The following COPS3 variants were observed in gnomAD, a reference collection of about 807,000 sequenced individuals.
COPS3 encodes the protein COP9 signalosome subunit 3, also known as COP9 signalosome complex subunit 3.
In COPS3, 10 loss-of-function variants were observed where a neutral mutation model predicts 58.2. The ratio of observed to expected loss-of-function variants is 0.17; its 90% CI spans 0.11 to 0.29. The LOEUF is 0.29. Among genes scored for constraint, COPS3 ranks in the 10% least tolerant of loss-of-function variants. COPS3 has a pLI of 1.00. For missense variants in COPS3, 333 were observed against 510.1 expected, an observed-to-expected ratio of 0.65 and a Z score of 3.34; for synonymous variants, 187 against 181.7, an observed-to-expected ratio of 1.03 and a Z score of -0.24.
intron 1 of COPS3, among the ~76,000 whole-genome samples, chr17:17,277,156 A>G (rs1481641703): frequency 6.6e-6 from 1 of 152,056 alleles, no homozygotes. Flanking sequence ...TACCTGACTG[A>G]GCCTCATCCA....
intron 5 of COPS3, among the ~76,000 whole-genome samples, chr17:17,265,567 T>G (rs1417304238): frequency 6.6e-6 from 1 of 151,910 alleles, no homozygotes; most frequent in East Asian, 1.9e-4. Flanking sequence ...CCCAGCTAAT[T>G]TTTGTATTTT....
chr17:17,256,038 G>T (rs1287980464), intron 8 of COPS3, among the ~76,000 whole-genome samples: 4 of 150,636 alleles, frequency 2.7e-5, no homozygotes, highest in Non-Finnish European at 4.4e-5. Context: ...AATTAGCCGG[G>T]CGTGGTGGTG....
At chr17:17,263,716 G>T (rs1229179593) in intron 6 of COPS3, among the ~76,000 whole-genome samples, 1 of 151,316 alleles carries the variant, frequency 6.6e-6, no homozygotes, top group African/African-American at 2.4e-5. Flanking sequence ...GTTTCTCCAC[G>T]TTGGTCAGGC....
At chr17:17,252,473 C>CAGATAACGCTT (rs1555616702) in intron 9 of COPS3, among the ~76,000 whole-genome samples, 23 of 152,018 alleles carry the variant, frequency 1.5e-4, no homozygotes, top group East Asian at 5.8e-4. Flanking sequence ...GTCCTGGGCA[C>CAGATAACGCTT]TGCAGGACGT....
At chr17:17,261,854 C>G in intron 7 of COPS3, 112 bp downstream of exon 7, 2 of 844,836 alleles carry the variant, frequency 2.4e-6, no homozygotes, top group Non-Finnish European at 3.7e-6. Flanking sequence ...TCACCTGAAG[C>G]TGCTAGGAGA....
At chr17:17,266,718 GA>G (rs2048230261) in intron 5 of COPS3, among the ~76,000 whole-genome samples, 3 of 151,890 alleles carry the variant, frequency 2.0e-5, no homozygotes, top group Non-Finnish European at 4.4e-5. Flanking sequence ...AGAATTGCTT[GA>G]ACCTGGGAGG....
intron 8 of COPS3, among the ~76,000 whole-genome samples, chr17:17,255,560 C>T (rs909749340): frequency 1.3e-5 from 2 of 149,910 alleles, no homozygotes; most frequent in South Asian, 2.1e-4. Context: ...AACTGATGGG[C>T]GAGGGGTGGT....
intron 1 of COPS3, among the ~76,000 whole-genome samples, chr17:17,276,918 G>A (rs985375376): frequency 6.6e-6 from 1 of 152,200 alleles, no homozygotes; most frequent in East Asian, 1.9e-4. Context: ...TATAAACTGT[G>A]CATTCAATCA....
intron 1 of COPS3, chr17:17,280,660 A>G (rs117743490): frequency 6.1e-6 from 8 of 1,305,252 alleles, no homozygotes; most frequent in Non-Finnish European, 8.1e-6. Flanking sequence ...AGGAGCTGGC[A>G]GAGGCGAGCC....
At chr17:17,258,186 C>T (rs535394892) in intron 8 of COPS3, among the ~76,000 whole-genome samples, 37 of 152,302 alleles carry the variant, frequency 2.4e-4, no homozygotes, top group Middle Eastern at 3.4e-3. Context: ...CTCAGTGTAC[C>T]ACAATCCACC....
chr17:17,261,860 GGA>G, intron 7 of COPS3, 104 bp downstream of exon 7: 2 of 911,966 alleles, frequency 2.2e-6, no homozygotes, highest in East Asian at 5.0e-5. Context: ...GAAGCTGCTA[GGA>G]GAGCTAAATC....
At chr17:17,280,738 G>C in intron 1 of COPS3, 3 of 1,239,482 alleles carry the variant, frequency 2.4e-6, no homozygotes, top group Non-Finnish European at 3.1e-6. Context: ...AGCAAGCTGC[G>C]GATCGGCGGC....
chr17:17,260,575 G>T, intron 7 of COPS3, 101 bp from the exon 8 acceptor site: 1 of 1,108,814 alleles, frequency 9.0e-7, no homozygotes, highest in East Asian at 2.5e-5. Flanking sequence ...AGGCCGAGGC[G>T]GACAAATCAC....
intron 1 of COPS3, among the ~76,000 whole-genome samples, chr17:17,280,166 C>T (rs545069845): frequency 6.6e-6 from 1 of 152,276 alleles, no homozygotes; most frequent in South Asian, 2.1e-4. Flanking sequence ...AATCCCAGCA[C>T]TTTGGGAGGC....
chr17:17,273,801 G>A (rs2048401645), intron 2 of COPS3, among the ~76,000 whole-genome samples: 1 of 152,194 alleles, frequency 6.6e-6, no homozygotes, highest in African/African-American at 2.4e-5. Context: ...GCAGTGAGCT[G>A]TGCTCATGCC....
chr17:17,260,189 C>T (rs2048061679), intron 8 of COPS3, 112 bp downstream of exon 8: 2 of 1,039,732 alleles, frequency 1.9e-6, no homozygotes, highest in Non-Finnish European at 2.8e-6. Flanking sequence ...GCACAGAAAT[C>T]CTGCCATGCT....
intron 1 of COPS3, among the ~76,000 whole-genome samples, 185 bp downstream of exon 1, chr17:17,280,947 G>C (rs1272918717): frequency 1.3e-5 from 2 of 152,118 alleles, no homozygotes; most frequent in Non-Finnish European, 2.9e-5. Context: ...AGCGGAGCGC[G>C]AGGGGGCTGC....
intron 2 of COPS3, among the ~76,000 whole-genome samples, chr17:17,273,308 C>T (rs1438307282): frequency 6.6e-6 from 1 of 152,188 alleles, no homozygotes; most frequent in Non-Finnish European, 1.5e-5. Flanking sequence ...TTCAGGTGCA[C>T]TTGCCATGTT....
chr17:17,279,924 A>T (rs571457368), intron 1 of COPS3, among the ~76,000 whole-genome samples: 1 of 152,328 alleles, frequency 6.6e-6, no homozygotes. Context: ...TGAATGAACC[A>T]AACAACCTGG....
Sources: gnomAD v4.1 joint callset for allele counts (sites outside exome capture counted in the v4.1 genomes callset) on GRCh38, gnomAD v4.1.1 for gene constraint, MANE v1.5 for transcripts, NCBI Gene and HGNC (gene_info 2026-07-23, HGNC 2026-07-21) for gene names.